Variants in ZC3H7B observed in about 807,000 individuals in gnomAD.
ZC3H7B encodes zinc finger CCCH-type containing 7B.
Under a neutral mutation model 116.0 loss-of-function variants are expected in ZC3H7B, and 35 were observed. That is an observed-to-expected ratio of 0.30 (90% CI 0.23 to 0.40). ZC3H7B has a LOEUF of 0.40. Among genes scored for constraint, ZC3H7B ranks in the 10% least tolerant of loss-of-function variants. The pLI is 1.00. For synonymous variants in ZC3H7B, 502 were observed against 545.6 expected, an observed-to-expected ratio of 0.92 and a Z score of 1.11; for missense variants, 1,011 against 1,321.5, an observed-to-expected ratio of 0.77 and a Z score of 3.64.
At chr22:41,348,236 G>A in intron 15 of ZC3H7B, 69 bp downstream of exon 15, 3 of 1,424,668 alleles carry the variant, frequency 2.1e-6, no homozygotes, top group Non-Finnish European at 3.0e-6. Context: ...CAGCTCAGAT[G>A]GCTGAGGAAA....
chr22:41,333,362 C>T (rs531601707), intron 7 of ZC3H7B: 56 of 152,216 alleles, frequency 3.7e-4, no homozygotes, highest in African/African-American at 1.3e-3. Flanking sequence ...CATGGTGGCT[C>T]ATGCCTGTAA....
intron 1 of ZC3H7B, among the ~76,000 whole-genome samples, chr22:41,311,827 C>A (rs1232736918): frequency 6.6e-6 from 1 of 151,980 alleles, no homozygotes; most frequent in Non-Finnish European, 1.5e-5. Flanking sequence ...AAGACGAGCC[C>A]CCAACAGAGA....
At chr22:41,331,692 G>A (rs974498463) in intron 6 of ZC3H7B, among the ~76,000 whole-genome samples, 4 of 151,828 alleles carry the variant, frequency 2.6e-5, no homozygotes, top group Admixed American at 6.6e-5. Flanking sequence ...GCAACATGGC[G>A]AAACCGTATC....
At chr22:41,313,699 A>G (rs1222929461) in intron 1 of ZC3H7B, among the ~76,000 whole-genome samples, 2 of 151,674 alleles carry the variant, frequency 1.3e-5, no homozygotes, top group Admixed American at 1.3e-4. Flanking sequence ...CTTTCTTTTC[A>G]CCTTAGTCTC....
chr22:41,335,169 G>A (rs2036427369), intron 7 of ZC3H7B: 1 of 152,250 alleles, frequency 6.6e-6, no homozygotes, highest in African/African-American at 2.4e-5. Flanking sequence ...GCTCGGAATA[G>A]CCTGGGCTCT....
At chr22:41,335,287 TG>T (rs1015667565) in intron 7 of ZC3H7B, 1 of 152,268 alleles carries the variant, frequency 6.6e-6, no homozygotes, top group African/African-American at 2.4e-5. Flanking sequence ...GTCCGGTACC[TG>T]CCATTTTGTG....
In ZC3H7B at chr22:41,352,534, G is replaced by A. The variant is rs182636658; in HGVS notation, c.2034+888G>A. On this transcript the variant is annotated intron_variant, in intron 17 of 22. Transcript: ENST00000352645. ...CCACCAGCCTTTGGGAGACTGAGGC[G>A]GGCGGGTCACGAGGTCAGGAGTTCG... 6.3e-3 allele frequency among the ~76,000 whole-genome samples: 966 copies of A among 152,292 alleles called. 7 individuals carry two copies. The highest frequency in any genetic ancestry group is 0.022 in the African/African-American group (925 of 41,546).
chr22:41,351,557 C>A lies in ZC3H7B; in HGVS notation c.1949-4C>A. 6.2e-7 allele frequency: 1 copy of A among 1,612,706 alleles called. No individual in the cohort carries two copies. Among genetic ancestry groups the A allele is most frequent in the East Asian group, 2.2e-5 (1 of 44,816 alleles). On this transcript the variant is annotated splice_region_variant and splice_polypyrimidine_tract_variant and intron_variant, in intron 16 of 22. Transcript: ENST00000352645. The surrounding 1 kb of genome is among the most constrained non-coding windows in gnomAD (Gnocchi z 5.1). ...ATGCCTGTGTCTGCCCCCACCCTCC[C>A]CAGGCATGACCCACGAAGACATCGT...
At chr22:41,350,618 A>G (rs2036643858) in intron 16 of ZC3H7B, among the ~76,000 whole-genome samples, 1 of 152,214 alleles carries the variant, frequency 6.6e-6, no homozygotes, top group South Asian at 2.1e-4. Context: ...CTCTAAGATC[A>G]GAGCAACAGG....
chr22:41,360,006 T>G lies in ZC3H7B; in HGVS notation c.*2577T>G, dbSNP rs1280827331. ...TATTAAAAATTTAAGAATACCACAC[T>G]TTAATATTAAATATTCATAAGGTCT... On this transcript the variant is annotated 3_prime_UTR_variant, in exon 23 of 23. Coordinates refer to ENST00000352645, the MANE Select transcript of ZC3H7B (RefSeq NM_017590.6). 1 of 152,640 alleles carries G rather than the reference T, an allele frequency of 6.6e-6. No individual in the cohort carries two copies. Among genetic ancestry groups the G allele is most frequent in the Admixed American group, 6.5e-5 (1 of 15,284 alleles). The allele number at this position is 152,640 out of a possible 1,614,324, so 9.5% of individuals were successfully genotyped here. A position where few individuals can be genotyped will look rare whatever the true frequency, so the allele number is the denominator to read the frequency against.
chr22:41,342,461 C>A, intron 11 of ZC3H7B, 68 bp from the exon 12 acceptor site: 1 of 1,492,406 alleles, frequency 6.7e-7, no homozygotes, highest in Non-Finnish European at 9.3e-7. Context: ...ACTTCTGGTG[C>A]CCTGGCTGGC....
intron 2 of ZC3H7B, among the ~76,000 whole-genome samples, chr22:41,321,518 TA>T (rs2036256362): frequency 6.6e-6 from 1 of 151,338 alleles, no homozygotes; most frequent in Non-Finnish European, 1.5e-5. Context: ...CTAGGCCATT[TA>T]AAAAATTTTT....
intron 4 of ZC3H7B, among the ~76,000 whole-genome samples, chr22:41,326,418 C>CAGCCTCCTCACTGTTTCTTCCAT (rs1199720385): frequency 1.5e-4 from 22 of 148,480 alleles, no homozygotes; most frequent in East Asian, 1.9e-4. Flanking sequence ...CCCATAGCCT[C>CAGCCTCCTCACTGTTTCTTCCAT]AGCCTCCTCA....
At chr22:41,326,387 C>T (rs1189566078) in intron 4 of ZC3H7B, among the ~76,000 whole-genome samples, 9 of 151,314 alleles carry the variant, frequency 5.9e-5, no homozygotes, top group African/African-American at 1.5e-4. Context: ...CTGTTTCTTC[C>T]GTAGCCTCCT....
chr22:41,322,912 G>A (rs904638243), intron 2 of ZC3H7B, among the ~76,000 whole-genome samples: 10 of 152,136 alleles, frequency 6.6e-5, no homozygotes, highest in Non-Finnish European at 1.2e-4. Flanking sequence ...GATTGCAGGC[G>A]CGTGCTGCTG....
At chr22:41,308,508 T>A (rs2145895715) in intron 1 of ZC3H7B, among the ~76,000 whole-genome samples, 1 of 152,308 alleles carries the variant, frequency 6.6e-6, no homozygotes, top group South Asian at 2.1e-4. Flanking sequence ...TTATGATCAT[T>A]TAATAGCCTT....
At chr22:41,308,900 C>T (rs977920844) in intron 1 of ZC3H7B, among the ~76,000 whole-genome samples, 3 of 152,100 alleles carry the variant, frequency 2.0e-5, no homozygotes, top group Admixed American at 2.0e-4. Flanking sequence ...GCCCTGTCCC[C>T]TGCTAGGTAG....
chr22:41,340,701 T>C (rs2036511241), intron 10 of ZC3H7B, among the ~76,000 whole-genome samples: 2 of 152,068 alleles, frequency 1.3e-5, no homozygotes, highest in African/African-American at 4.8e-5. Flanking sequence ...GGCAGGGTCT[T>C]GAAGGAAAAG....
intron 6 of ZC3H7B, 124 bp from the exon 7 acceptor site, chr22:41,332,047 A>T: frequency 1.1e-6 from 1 of 944,804 alleles, no homozygotes; most frequent in Non-Finnish European, 1.6e-6. Flanking sequence ...GGGGACAGGG[A>T]CTCTCGGGGG....
Sources: gnomAD v4.1 joint callset for allele counts (sites outside exome capture counted in the v4.1 genomes callset) on GRCh38, gnomAD v4.1.1 for gene constraint, Gnocchi (gnomAD v3.1) non-coding constraint, MANE v1.5 for transcripts, NCBI Gene and HGNC (gene_info 2026-07-23, HGNC 2026-07-21) for gene names.